The following ZMYM6 variants were observed in gnomAD, a reference collection of about 807,000 sequenced individuals.
ZMYM6 encodes zinc finger MYM-type containing 6, also known as zinc finger MYM-type protein 6.
Under a neutral mutation model 134.0 loss-of-function variants are expected in ZMYM6, and 90 were observed. The ratio of observed to expected loss-of-function variants is 0.67; its 90% CI spans 0.57 to 0.80. ZMYM6 has a LOEUF of 0.80. Among genes scored for constraint, ZMYM6 ranks in the 30% least tolerant of loss-of-function variants. The pLI, the probability that ZMYM6 is intolerant of heterozygous loss-of-function variation, is 0.00. For missense variants in ZMYM6, 1,362 were observed against 1,533.9 expected (o/e 0.89, Z 1.87); for synonymous variants, 481 against 524.1 (o/e 0.92, Z 1.12).
At position 35,020,249 on chromosome 1, in the gene ZMYM6, C is replaced by G. The variant is rs895347522; in HGVS notation, c.178+134G>C. ...CTATTTTTTAAAACGCTGCTGAAAA[C>G]CAGCTACTCACAGTTTGAAAAAACA... On this transcript the variant is annotated intron_variant, in intron 3 of 15. Coordinates refer to ENST00000357182, the MANE Select transcript of ZMYM6 (RefSeq NM_007167.4). 4.5e-6 allele frequency: 3 copies of G among 665,250 alleles called. No individual in the cohort carries two copies. In the African/African-American group the frequency reaches 5.4e-5, roughly 12 times the overall value. 41.2% of individuals were successfully genotyped at this position (665,250 alleles called of 1,614,324 possible).
Position 34,986,980 on chromosome 1 carries a change from GA to G in ZMYM6, c.*123del. ...ATTATTAAATTCCTCAACAAAAAGG[GA>G]AAAATTATTAAAACATTTAATCACT... is the stretch of plus-strand genomic sequence containing the variant. On this transcript the variant is annotated 3_prime_UTR_variant, in exon 16 of 16. Coordinates refer to ENST00000357182, the MANE Select transcript of ZMYM6 (RefSeq NM_007167.4). 1 of 634,506 alleles carries G rather than the reference GA, an allele frequency of 1.6e-6. No homozygotes were observed. Among genetic ancestry groups the G allele is most frequent in the Non-Finnish European group, 2.4e-6 (1 of 416,664 alleles). The allele number at this position is 634,506 out of a possible 1,614,324, so 39.3% of individuals were successfully genotyped here. A position where few individuals can be genotyped will look rare whatever the true frequency, so the allele number is the denominator to read the frequency against.
intron 14 of ZMYM6, among the ~76,000 whole-genome samples, chr1:34,992,865 T>C (rs970750406): frequency 3.4e-5 from 5 of 145,936 alleles, no homozygotes; most frequent in African/African-American, 1.2e-4. Flanking sequence ...TATAAAAATA[T>C]ATTTATAAAC....
At chr1:34,992,703 T>C (rs917790076) in intron 14 of ZMYM6, among the ~76,000 whole-genome samples, 2 of 139,462 alleles carry the variant, frequency 1.4e-5, no homozygotes, top group Non-Finnish European at 3.0e-5. Flanking sequence ...AATAAAAATA[T>C]ACTTATAAAC....
Position 35,031,917 on chromosome 1 carries a change from C to A in ZMYM6, c.-177G>T, listed in dbSNP as rs184961900. The A allele has an allele frequency of 2.1e-4, 32 of 152,638 alleles. No homozygotes were observed. The highest frequency in any genetic ancestry group is 6.5e-4 in the Admixed American group (10 of 15,288). The allele number at this position is 152,638 out of a possible 1,614,324, so 9.5% of individuals were successfully genotyped here. A position where few individuals can be genotyped will look rare whatever the true frequency, so the allele number is the denominator to read the frequency against. On this transcript the variant is annotated 5_prime_UTR_variant, in exon 1 of 16. Transcript: ENST00000357182. ...TCTTCTGGAATTCCGCCTGATCCAT[C>A]CCAACGCAACGACCGGCCAACCACG...
rs150333199 is a variant in ZMYM6 at position 35,019,602 on chromosome 1, G to C, written c.179C>G (p.Ala60Gly). 200 of 1,582,312 alleles carry C rather than the reference G, an allele frequency of 1.3e-4. No individual in the cohort carries two copies. The highest frequency in any genetic ancestry group is 1.7e-4 in the Non-Finnish European group (195 of 1,171,102). Residue 60 changes from alanine (A) to glycine (G), a missense_variant and splice_region_variant, in exon 4 of 16, where the codon GCC becomes GGC. Ala to Gly is a moderately conservative substitution (Grantham distance 60, BLOSUM62 0). Coordinates refer to ENST00000357182, the MANE Select transcript of ZMYM6 (RefSeq NM_007167.4). Reference protein sequence around the residue: ...GVSSVNERPIAQQLNPGFQLS... With the variant: ...GVSSVNERPIGQQLNPGFQLS... ...CTGAAAGCCTGGGTTCAACTGCTGG[G>C]CTATCAAAACAAAATAAAAAAAGTT...
Position 34,988,276 on chromosome 1 carries a change from G to A in ZMYM6, c.2806C>T (p.Arg936Cys), listed in dbSNP as rs141138840. The change falls in exon 16 of 16, where the codon CGT (arginine) becomes TGT (cysteine). Residue 936 changes from arginine to cysteine, a missense_variant. Around this residue, in one of 3 missense-constraint regions of ZMYM6, gnomAD observed 824 missense variants for 940.9 expected, o/e 0.88. Transcript: ENST00000357182. Reference protein sequence around the residue: ...CYIRFIDYDCRDVKEELLFCI... With the variant: ...CYIRFIDYDCCDVKEELLFCI... The stretch of plus-strand genomic sequence containing the variant: ...AATAATAATTCTTCTTTTACATCAC[G>A]ACAATCATAATCAATGAAACGAATA... The A allele has an allele frequency of 7.8e-4, 1,209 of 1,550,370 alleles. 8 individuals are homozygous for A. In the African/African-American group the frequency reaches 0.012, roughly 15 times the overall value.
At chr1:34,998,166 C>T (rs1189930068) in intron 14 of ZMYM6, among the ~76,000 whole-genome samples, 1 of 152,144 alleles carries the variant, frequency 6.6e-6, no homozygotes, top group African/African-American at 2.4e-5. Context: ...GTAATCCCAG[C>T]TACTCAGGAG....
intron 2 of ZMYM6, among the ~76,000 whole-genome samples, chr1:35,026,701 TAAC>T (rs1248131570): frequency 1.3e-5 from 2 of 152,196 alleles, no homozygotes; most frequent in Non-Finnish European, 2.9e-5. Context: ...GCATCTGGAG[TAAC>T]AACAAACTGT....
At chr1:34,994,473 AGG>A (rs972074990) in intron 14 of ZMYM6, among the ~76,000 whole-genome samples, 22 of 152,200 alleles carry the variant, frequency 1.4e-4, no homozygotes, top group Non-Finnish European at 2.9e-4. Flanking sequence ...GGCATGCTTT[AGG>A]AACATCAACA....
At chr1:35,015,203 C>A in intron 4 of ZMYM6, 41 bp from the exon 5 acceptor site, 1 of 1,513,912 alleles carries the variant, frequency 6.6e-7, no homozygotes, top group Admixed American at 2.2e-5. Flanking sequence ...ATGTATTCTT[C>A]ACAACTGTAA....
At position 35,019,562 on chromosome 1, in the gene ZMYM6, T is replaced by A; in HGVS notation, c.219A>T (p.Ser73=). 6.2e-7 allele frequency: 1 copy of A among 1,607,898 alleles called. No homozygotes were observed. The highest frequency in any genetic ancestry group is 8.5e-7 in the Non-Finnish European group (1 of 1,178,654). ...LNPGFQLSFA[S]SGPSVLLPSV... Reference sequence around the variant, plus strand: ...AAGGAAGCAACACACTTGGGCCAGATGATGCAAAAGAAAGCTGAAAGCCTG... The same window carrying A: ...AAGGAAGCAACACACTTGGGCCAGAAGATGCAAAAGAAAGCTGAAAGCCTG... Residue 73 remains serine (S), a synonymous_variant, in exon 4 of 16, where the codon TCA becomes TCT. Coordinates refer to ENST00000357182, the MANE Select transcript of ZMYM6 (RefSeq NM_007167.4).
At chr1:35,020,360 AC>A (rs1452803396) in intron 3 of ZMYM6, 22 bp downstream of exon 3, 4 of 1,580,808 alleles carry the variant, frequency 2.5e-6, no homozygotes, top group Non-Finnish European at 3.4e-6. Context: ...ATTGTAACTA[AC>A]TTATACAGTT....
chr1:34,992,157 CT>C lies in ZMYM6; in HGVS notation c.2146+76del. ...CATTTAAGACTCTGTCAATTATTTT[CT>C]TTTCCTTTCTTAAAAAACAAAAACA... On this transcript the variant is annotated intron_variant, in intron 15 of 15. Transcript: ENST00000357182. The C allele has an allele frequency of 2.6e-6, 4 of 1,567,394 alleles. No individual in the cohort carries two copies. The East Asian group carries it at 6.8e-5, about 26-fold the overall frequency.
chr1:35,025,217 C>T (rs1641386543), intron 2 of ZMYM6, among the ~76,000 whole-genome samples: 1 of 151,218 alleles, frequency 6.6e-6, no homozygotes, highest in Non-Finnish European at 1.5e-5. Flanking sequence ...GGCACGGTGG[C>T]TCACGCCTGT....
chr1:34,988,705 G>GT lies in ZMYM6; in HGVS notation c.2376dup (p.His793ThrfsTer13). ...ACTGGTTTGTTTTCTAATTCTGAAT[G>GT]TTTTGTCTTCAAATGATGAGAAAGA... is the stretch of plus-strand genomic sequence containing the variant. On this transcript the variant is annotated frameshift_variant, in exon 16 of 16. Transcript: ENST00000357182. LOFTEE classifies it high-confidence loss of function. 1.3e-6 allele frequency: 2 copies of GT among 1,550,968 alleles called. No individual in the cohort carries two copies. Among genetic ancestry groups the GT allele is most frequent in the Non-Finnish European group, 1.7e-6 (2 of 1,146,830 alleles).
intron 2 of ZMYM6, among the ~76,000 whole-genome samples, chr1:35,028,351 T>C (rs1641453169): frequency 6.6e-6 from 1 of 151,454 alleles, no homozygotes; most frequent in Admixed American, 6.6e-5. Context: ...GCCTGTGAGA[T>C]GGTGTGAAAA....
intron 2 of ZMYM6, among the ~76,000 whole-genome samples, chr1:35,021,159 A>T (rs1484350470): frequency 6.8e-6 from 1 of 147,480 alleles, no homozygotes; most frequent in African/African-American, 2.6e-5. Flanking sequence ...TCTGTCACCC[A>T]GGCTGGAGTT....
chr1:35,019,859 A>G (rs1460561697), intron 3 of ZMYM6, among the ~76,000 whole-genome samples: 1 of 151,914 alleles, frequency 6.6e-6, no homozygotes, highest in Non-Finnish European at 1.5e-5. Context: ...AATTTTTAGC[A>G]AAGATAAGGT....
intron 2 of ZMYM6, among the ~76,000 whole-genome samples, chr1:35,028,160 T>TA (rs1179186002): frequency 4.6e-5 from 7 of 151,580 alleles, no homozygotes; most frequent in African/African-American, 1.7e-4. Flanking sequence ...AACAAAAATA[T>TA]AAAAAATTAG....
Sources: allele counts gnomAD v4.1 joint callset (sites outside exome capture counted in the v4.1 genomes callset), GRCh38; gene constraint gnomAD v4.1.1; regional missense constraint gnomAD v4.1.1; transcripts MANE v1.5; gene names NCBI Gene and HGNC (gene_info 2026-07-23, HGNC 2026-07-21).